The following VPS13B variants were observed in gnomAD, a reference collection of about 807,000 sequenced individuals.
VPS13B encodes the protein intermembrane lipid transfer protein VPS13B.
In VPS13B, 285 loss-of-function variants were observed where a neutral mutation model predicts 426.4. That is an observed-to-expected ratio of 0.67 (90% CI 0.61 to 0.74). The LOEUF (loss-of-function observed/expected upper bound fraction) is 0.74, where lower values mean the gene tolerates loss of function less well. VPS13B is among the 30% of genes least tolerant of loss of function. The probability of loss-of-function intolerance (pLI) is 0.00; values close to 1 mark genes in which losing one functional copy is unlikely to be tolerated. For missense variants in VPS13B, 4,537 were observed against 4,782.6 expected (o/e 0.95, Z 1.51); for synonymous variants, 1,676 against 1,676.4 (o/e 1.00, Z 0.01).
chr8:99,720,166 A>G (rs1220181733), intron 37 of VPS13B, among the ~76,000 whole-genome samples, 179 bp from the exon 38 acceptor site: 4 of 152,128 alleles, frequency 2.6e-5, no homozygotes, highest in Non-Finnish European at 4.4e-5. Flanking sequence ...GTTGTTATAT[A>G]TTTATTCAAG....
intron 22 of VPS13B, among the ~76,000 whole-genome samples, chr8:99,436,887 C>T (rs931602526): frequency 2.6e-5 from 4 of 151,942 alleles, no homozygotes; most frequent in Non-Finnish European, 4.4e-5. Flanking sequence ...TACAGGTGCC[C>T]GCCACCATGC....
rs759385151 is a variant in VPS13B, at chr8:99,778,940, T to G, written c.7688T>G (p.Leu2563Arg). The G allele has an allele frequency of 1.4e-5, 23 of 1,613,860 alleles. No homozygotes were observed. The East Asian group carries it at 4.9e-4, about 34-fold the overall frequency. ...AVSSDVVEKL[L>R]DCTVIVDSVF... ...TCCAGCGATGTAGTGGAAAAGCTGC[T>G]TGACTGCACCGTGATAGTTGATTCT... Residue 2563 changes from leucine (L) to arginine (R), a missense_variant, in exon 42 of 62, where the codon CTT becomes CGT. Coordinates refer to ENST00000357162, the MANE Select transcript of VPS13B (RefSeq NM_152564.5).
At chr8:99,755,120 C>T (rs910137947) in intron 39 of VPS13B, among the ~76,000 whole-genome samples, 3 of 152,046 alleles carry the variant, frequency 2.0e-5, no homozygotes, top group Non-Finnish European at 4.4e-5. Context: ...ATGCACACCC[C>T]CAGGGATGTG....
At chr8:99,119,844 T>A (rs1440331515) in intron 7 of VPS13B, among the ~76,000 whole-genome samples, 1 of 152,062 alleles carries the variant, frequency 6.6e-6, no homozygotes, top group East Asian at 1.9e-4. Context: ...TATGAGTGAA[T>A]ATGCTGGAGA....
At chr8:99,020,840 G>A (rs1466500535) in intron 2 of VPS13B, among the ~76,000 whole-genome samples, 3 of 152,148 alleles carry the variant, frequency 2.0e-5, no homozygotes, top group Non-Finnish European at 4.4e-5. Flanking sequence ...TTGGATTATT[G>A]TAGCATCGTA....
intron 25 of VPS13B, among the ~76,000 whole-genome samples, chr8:99,483,775 A>T (rs935375665): frequency 1.4e-4 from 21 of 152,146 alleles, no homozygotes; most frequent in Non-Finnish European, 1.5e-4. Flanking sequence ...TTTTGAAAGA[A>T]ACATTTAAAA....
intron 23 of VPS13B, among the ~76,000 whole-genome samples, chr8:99,446,948 A>G (rs28548583): frequency 1.3e-5 from 2 of 152,138 alleles, no homozygotes; most frequent in Admixed American, 6.6e-5. Context: ...AAAATTTTAC[A>G]TAGGATATTC....
intron 3 of VPS13B, among the ~76,000 whole-genome samples, chr8:99,072,010 A>T (rs1270202002): frequency 6.6e-6 from 1 of 151,868 alleles, no homozygotes; most frequent in Non-Finnish European, 1.5e-5. Flanking sequence ...CAGAAATGCC[A>T]TCCAGAAGCC....
Position 99,539,916 on chromosome 8 carries a change from T to C in VPS13B, c.4746-16534T>C, listed in dbSNP as rs567246088. ...TTCTATAAGCATTTATATATATATA[T>C]ACACACATATTTATATTTATACATT... is the stretch of plus-strand genomic sequence containing the variant. On this transcript the variant is annotated intron_variant, in intron 30 of 61. Coordinates refer to ENST00000357162, the MANE Select transcript of VPS13B (RefSeq NM_152564.5). Among the ~76,000 whole-genome samples the C allele has an allele frequency of 1.9e-3, 273 of 145,070 alleles. 1 individual carries two copies. Among genetic ancestry groups the C allele is most frequent in the Non-Finnish European group, 3.2e-3 (214 of 66,670 alleles).
chr8:99,751,850 G>T (rs938053830), intron 39 of VPS13B, among the ~76,000 whole-genome samples: 3 of 152,140 alleles, frequency 2.0e-5, no homozygotes, highest in African/African-American at 7.2e-5. Context: ...CTGCAGATAT[G>T]CTAGTTCCAA....
chr8:99,612,976 G>C (rs1284893152), intron 33 of VPS13B, among the ~76,000 whole-genome samples: 1 of 152,038 alleles, frequency 6.6e-6, no homozygotes, highest in Non-Finnish European at 1.5e-5. Flanking sequence ...TCAAGGCCAA[G>C]CTTAAATGAT....
intron 19 of VPS13B, among the ~76,000 whole-genome samples, chr8:99,342,744 C>T (rs1223538283): frequency 6.6e-6 from 1 of 152,052 alleles, no homozygotes; most frequent in Admixed American, 6.6e-5. Flanking sequence ...TATTTCAGTT[C>T]CTTTGGTTAT....
In VPS13B at chr8:99,356,142, G is replaced by T. The variant is rs144179855; in HGVS notation, c.2825-28066G>T. Among the ~76,000 whole-genome samples, 42 of 152,244 alleles carry T rather than the reference G, an allele frequency of 2.8e-4. No homozygotes were observed. In the East Asian group the frequency reaches 6.6e-3, roughly 24 times the overall value. ...ACTGAAAAAGAATTTTCAGGTCGAA[G>T]ACTGGAAAACTGATTTAAGTCTCAG... On this transcript the variant is annotated intron_variant, in intron 19 of 61. Coordinates refer to ENST00000357162, the MANE Select transcript of VPS13B (RefSeq NM_152564.5).
chr8:99,666,540 A>C (rs561148375), intron 35 of VPS13B, among the ~76,000 whole-genome samples: 7 of 152,346 alleles, frequency 4.6e-5, no homozygotes, highest in African/African-American at 1.4e-4. Flanking sequence ...GCATATAAAC[A>C]GAACCAAAGA....
In VPS13B at chr8:99,135,052, T is replaced by G; in HGVS notation, c.1340T>G (p.Ile447Ser). The G allele has an allele frequency of 1.2e-6, 2 of 1,613,572 alleles. No individual in the cohort carries two copies. The highest frequency in any genetic ancestry group is 1.7e-6 in the Non-Finnish European group (2 of 1,179,596). ...GGAGAACCTTTCTTTGATTGCCAGATTGGGTTTGTTGGTTGCAGAGCCATG... is the reference window on the plus strand; with the variant it reads ...GGAGAACCTTTCTTTGATTGCCAGAGTGGGTTTGTTGGTTGCAGAGCCATG... ...MMGEPFFDCQ[I>S]GFVGCRAMCL... is the part of the protein sequence containing the mutation. Residue 447 changes from isoleucine to serine, a missense_variant, in exon 10 of 62, where the codon ATT (isoleucine) becomes AGT (serine). Physicochemically the swap from Ile to Ser is moderately radical, Grantham distance 142 (BLOSUM62 -2). Coordinates refer to ENST00000357162, the MANE Select transcript of VPS13B (RefSeq NM_152564.5).
chr8:99,486,543 T>C (rs1820321494), intron 25 of VPS13B, among the ~76,000 whole-genome samples: 1 of 152,184 alleles, frequency 6.6e-6, no homozygotes, highest in African/African-American at 2.4e-5. Context: ...GCCACCACTT[T>C]CACCTCTTCT....
Position 99,431,407 on chromosome 8 carries a change from A to G in VPS13B, c.3083-130A>G. On this transcript the variant is annotated intron_variant, in intron 21 of 61. Transcript: ENST00000357162. The stretch of plus-strand genomic sequence containing the variant: ...CTATAAGAGAAAATGATGTAAAATG[A>G]CAATTCATAATCTCATATAAAAATT... The G allele has an allele frequency of 5.0e-6, 6 of 1,195,690 alleles. No individual in the cohort carries two copies. In the South Asian group the frequency reaches 7.2e-5, roughly 14 times the overall value. 74.1% of individuals were successfully genotyped at this position (1,195,690 alleles called of 1,614,324 possible). A position where few individuals can be genotyped will look rare whatever the true frequency, so the allele number is the denominator to read the frequency against.
At chr8:99,141,413 A>T (rs769694406) in intron 12 of VPS13B, among the ~76,000 whole-genome samples, 1 of 152,288 alleles carries the variant, frequency 6.6e-6, no homozygotes, top group South Asian at 2.1e-4. Flanking sequence ...CCCCTAAAGG[A>T]CGCATAGCAG....
In VPS13B at chr8:99,524,410, G is replaced by A. The variant is rs147383054; in HGVS notation, c.4745+3400G>A. The stretch of plus-strand genomic sequence containing the variant: ...GAATACAAAGCAGATATAACCCAAG[G>A]AAGACTACCTCAAGGCATTTAATCA... On this transcript the variant is annotated intron_variant, in intron 30 of 61. Transcript: ENST00000357162. 2.0e-4 allele frequency among the ~76,000 whole-genome samples: 31 copies of A among 152,094 alleles called. 1 individual carries two copies. The highest frequency in any genetic ancestry group is 3.1e-4 in the Non-Finnish European group (21 of 68,028).
Sources: gnomAD v4.1 joint callset for allele counts (sites outside exome capture counted in the v4.1 genomes callset) on GRCh38, gnomAD v4.1.1 for gene constraint, MANE v1.5 for transcripts, NCBI Gene and HGNC (gene_info 2026-07-23, HGNC 2026-07-21) for gene names.